Variants in TSHZ2 observed in about 807,000 individuals in gnomAD.
TSHZ2 encodes teashirt zinc finger homeobox 2.
Under a neutral mutation model 74.4 loss-of-function variants are expected in TSHZ2, and 21 were observed. The observed-to-expected ratio is 0.28, with a 90% CI of 0.20 to 0.41. The LOEUF (loss-of-function observed/expected upper bound fraction) is 0.41. TSHZ2 is among the 10% of genes least tolerant of loss of function. The pLI, the probability that TSHZ2 is intolerant of heterozygous loss-of-function variation, is 1.00. For missense variants in TSHZ2, 1,244 were observed against 1,293.5 expected (o/e 0.96, Z 0.59); for synonymous variants, 540 against 515.3 (o/e 1.05, Z -0.65).
At chr20:53,259,698 G>C (rs578195334) in intron 2 of TSHZ2, among the ~76,000 whole-genome samples, 50 of 152,326 alleles carry the variant, frequency 3.3e-4, no homozygotes, top group African/African-American at 1.2e-3. Flanking sequence ...AGCGCGTAAG[G>C]TTGCCAGACA....
At chr20:53,144,770 G>A (rs1987498450) in intron 1 of TSHZ2, among the ~76,000 whole-genome samples, 1 of 151,828 alleles carries the variant, frequency 6.6e-6, no homozygotes, top group Admixed American at 6.6e-5. Context: ...GAGGTTATAT[G>A]GGTAAACACA....
At chr20:53,214,919 G>T (rs1989399054) in intron 1 of TSHZ2, among the ~76,000 whole-genome samples, 1 of 152,132 alleles carries the variant, frequency 6.6e-6, no homozygotes. Flanking sequence ...AGCAAGATTT[G>T]TGAAGGATGT....
At chr20:53,357,833 A>G (rs538870985) in intron 2 of TSHZ2, among the ~76,000 whole-genome samples, 1 of 152,338 alleles carries the variant, frequency 6.6e-6, no homozygotes, top group Admixed American at 6.5e-5. Context: ...GGGCTCTCCC[A>G]GTGTGACCCC....
intron 2 of TSHZ2, among the ~76,000 whole-genome samples, chr20:53,428,563 C>T (rs1329348987): frequency 6.6e-6 from 1 of 152,196 alleles, no homozygotes; most frequent in Non-Finnish European, 1.5e-5. Flanking sequence ...AACTTATTCC[C>T]AATCATTGTT....
At chr20:53,100,998 G>A (rs1004975316) in intron 1 of TSHZ2, among the ~76,000 whole-genome samples, 2 of 152,094 alleles carry the variant, frequency 1.3e-5, no homozygotes, top group East Asian at 3.8e-4. Flanking sequence ...CAGGGGTAGG[G>A]GTGGGAGAAA....
chr20:53,198,347 T>C (rs956509398), intron 1 of TSHZ2: 8 of 152,238 alleles, frequency 5.3e-5, no homozygotes, highest in African/African-American at 1.9e-4. Flanking sequence ...ATGTGCCACA[T>C]GAACTGAGTA....
At chr20:53,006,651 A>G (rs1365505794) in intron 1 of TSHZ2, among the ~76,000 whole-genome samples, 1 of 152,248 alleles carries the variant, frequency 6.6e-6, no homozygotes, top group East Asian at 1.9e-4. Context: ...TTTCCTAAGC[A>G]GCACAAGTTA....
chr20:53,125,286 C>A (rs1459240424), intron 1 of TSHZ2, among the ~76,000 whole-genome samples: 3 of 152,178 alleles, frequency 2.0e-5, no homozygotes, highest in Non-Finnish European at 4.4e-5. Flanking sequence ...AAGTCAACAG[C>A]AAGTCCTCCC....
chr20:53,292,110 G>T (rs1052433068), intron 2 of TSHZ2, among the ~76,000 whole-genome samples: 16 of 152,054 alleles, frequency 1.1e-4, no homozygotes, highest in African/African-American at 3.4e-4. Flanking sequence ...GATGGGGAAG[G>T]TCTCACATAT....
chr20:53,488,968 G>A lies in TSHZ2; in HGVS notation c.*1833G>A. 1 of 456,052 alleles carries A rather than the reference G, an allele frequency of 2.2e-6. No homozygotes were observed. The highest frequency in any genetic ancestry group is 4.4e-6 in the Non-Finnish European group (1 of 226,828). The allele number at this position is 456,052 out of a possible 1,614,324, so 28.3% of individuals were successfully genotyped here. On this transcript the variant is annotated 3_prime_UTR_variant, in exon 3 of 3. Transcript: ENST00000371497. The stretch of plus-strand genomic sequence containing the variant: ...AAATATGGCGCTTCGGGGAAGGAGG[G>A]AAAAAGTAAATGAAGTTCCAGGAAT...
intron 2 of TSHZ2, among the ~76,000 whole-genome samples, chr20:53,259,635 A>T (rs1415551958): frequency 6.6e-6 from 1 of 152,208 alleles, no homozygotes; most frequent in Non-Finnish European, 1.5e-5. Context: ...TAGTCCAATG[A>T]GCTGCCACTT....
chr20:53,053,561 A>T (rs1984545770), intron 1 of TSHZ2, among the ~76,000 whole-genome samples: 1 of 118,810 alleles, frequency 8.4e-6, no homozygotes, highest in South Asian at 3.1e-4. Context: ...TAAAAGCTAT[A>T]TATGTATGTA....
chr20:53,018,567 C>T (rs1337163149), intron 1 of TSHZ2, among the ~76,000 whole-genome samples: 2 of 152,286 alleles, frequency 1.3e-5, no homozygotes, highest in East Asian at 1.9e-4. Flanking sequence ...ATTGAATGCC[C>T]CTGTGTCACC....
chr20:53,083,908 T>A (rs543420951), intron 1 of TSHZ2, among the ~76,000 whole-genome samples: 45 of 152,306 alleles, frequency 3.0e-4, no homozygotes, highest in Non-Finnish European at 5.4e-4. Context: ...GCATTTTTTT[T>A]ACTTCTGTCT....
At chr20:53,396,611 C>G (rs573882420) in intron 2 of TSHZ2, among the ~76,000 whole-genome samples, 1 of 152,124 alleles carries the variant, frequency 6.6e-6, no homozygotes, top group East Asian at 1.9e-4. Flanking sequence ...TTCTAGGAAG[C>G]CGAGGCAGGT....
chr20:53,252,156 C>T (rs1203066120), intron 1 of TSHZ2, among the ~76,000 whole-genome samples: 2 of 152,218 alleles, frequency 1.3e-5, no homozygotes, highest in South Asian at 2.1e-4. Context: ...GCAGCAGCAG[C>T]GGCAGCCTTT....
At chr20:53,364,362 C>T (rs532242144) in intron 2 of TSHZ2, among the ~76,000 whole-genome samples, 56 of 152,218 alleles carry the variant, frequency 3.7e-4, no homozygotes, top group Non-Finnish European at 7.1e-4. Context: ...TCAAACTTGC[C>T]TTCCCGCTCA....
chr20:53,268,049 G>T (rs1237077242), intron 2 of TSHZ2, among the ~76,000 whole-genome samples: 2 of 152,176 alleles, frequency 1.3e-5, no homozygotes, highest in Non-Finnish European at 2.9e-5. Context: ...GGCTCAGTGT[G>T]CAAGACAGTT....
chr20:53,127,837 G>A (rs1986990544), intron 1 of TSHZ2, among the ~76,000 whole-genome samples: 1 of 152,210 alleles, frequency 6.6e-6, no homozygotes, highest in African/African-American at 2.4e-5. Context: ...AAGAGGCAGA[G>A]GCATGATTTG....
Sources: gnomAD v4.1 joint callset for allele counts (sites outside exome capture counted in the v4.1 genomes callset) on GRCh38, gnomAD v4.1.1 for gene constraint, MANE v1.5 for transcripts, NCBI Gene and HGNC (gene_info 2026-07-23, HGNC 2026-07-21) for gene names.